FXYD7: variants seen among roughly 807,000 people sequenced by gnomAD.
FXYD7 encodes the protein FXYD domain-containing ion transport regulator 7.
A neutral mutation model predicts 15.3 loss-of-function variants in FXYD7; 7 were observed. The ratio of observed to expected loss-of-function variants is 0.46; its 90% CI spans 0.26 to 0.86. The LOEUF (loss-of-function observed/expected upper bound fraction) is 0.86, where lower values mean the gene tolerates loss of function less well. FXYD7 is among the 40% of genes least tolerant of loss of function. The pLI is 0.16. For synonymous variants in FXYD7, 39 were observed against 39.3 expected (o/e 0.99, Z 0.03); for missense variants, 78 against 100.6 (o/e 0.78, Z 0.96).
At chr19:35,153,793 G>A (rs1022093883) in intron 5 of FXYD7, 101 bp from the exon 6 acceptor site, 21 of 1,069,688 alleles carry the variant, frequency 2.0e-5, no homozygotes, top group Non-Finnish European at 2.3e-5. Flanking sequence ...CAGTCCCTGG[G>A]GTCTGGCTTC....
At chr19:35,146,172 C>G (rs2065288387) in intron 1 of FXYD7, among the ~76,000 whole-genome samples, 1 of 151,942 alleles carries the variant, frequency 6.6e-6, no homozygotes, top group South Asian at 2.1e-4. Flanking sequence ...GAGTCTCGCT[C>G]TGTCATCCAG....
Position 35,153,946 on chromosome 19 carries a change from C to G in FXYD7, c.*30C>G, listed in dbSNP as rs2065327729. On this transcript the variant is annotated 3_prime_UTR_variant, in exon 6 of 6. Coordinates refer to ENST00000270310, the MANE Select transcript of FXYD7 (RefSeq NM_022006.2). ...TTCCCGAGGAAACTCCGCTGCCGAC[C>G]CTGCCTGAGCGCGGGAGCCTGAGGA... The G allele has an allele frequency of 1.9e-6, 3 of 1,606,794 alleles. No individual in the cohort carries two copies. The highest frequency in any genetic ancestry group is 2.7e-5 in the African/African-American group (2 of 74,676).
chr19:35,151,714 T>C (rs769511911), intron 5 of FXYD7, 41 bp downstream of exon 5: 2 of 1,353,324 alleles, frequency 1.5e-6, no homozygotes, highest in Non-Finnish European at 2.0e-6. Flanking sequence ...GAGTTTTAGG[T>C]GGGGCAGGGA....
At position 35,154,081 on chromosome 19, in the gene FXYD7, C is replaced by T. The variant is rs1473486200; in HGVS notation, c.*165C>T. 6 of 614,616 alleles carry T rather than the reference C, an allele frequency of 9.8e-6. No individual in the cohort carries two copies. Among genetic ancestry groups the T allele is most frequent in the Non-Finnish European group, 1.7e-5 (6 of 354,628 alleles). 38.1% of individuals were successfully genotyped at this position (614,616 alleles called of 1,614,324 possible). On this transcript the variant is annotated 3_prime_UTR_variant, in exon 6 of 6. Transcript: ENST00000270310. ...CTGCACCCTGCTGTCCCTCTCCAGG[C>T]CTTGGCAATGACGATCCCCCAAAGA...
chr19:35,150,187 G>C (rs1041647983), intron 2 of FXYD7, among the ~76,000 whole-genome samples: 1 of 152,174 alleles, frequency 6.6e-6, no homozygotes, highest in African/African-American at 2.4e-5. Context: ...AAAGTGCTGA[G>C]ATTACAGGCT....
intron 1 of FXYD7, among the ~76,000 whole-genome samples, chr19:35,147,570 T>C (rs1452189633): frequency 6.6e-6 from 1 of 152,176 alleles, no homozygotes; most frequent in East Asian, 1.9e-4. Context: ...TCTGAAATCA[T>C]TATGTGTCTT....
At chr19:35,146,420 A>G (rs1423774683) in intron 1 of FXYD7, among the ~76,000 whole-genome samples, 2 of 152,194 alleles carry the variant, frequency 1.3e-5, no homozygotes, top group Non-Finnish European at 1.5e-5. Context: ...TACAGGCATG[A>G]ATCACTGTGC....
Position 35,150,482 on chromosome 19 carries a change from T to C in FXYD7, c.62-772T>C, listed in dbSNP as rs937075392. ...AAGTAAAATAAAGAAGGGAATGAGATTGGAAAGTGTGGAGGAGAGGATGGA... is the reference window on the plus strand; with the variant it reads ...AAGTAAAATAAAGAAGGGAATGAGACTGGAAAGTGTGGAGGAGAGGATGGA... On this transcript the variant is annotated intron_variant, in intron 2 of 5. Coordinates refer to ENST00000270310, the MANE Select transcript of FXYD7 (RefSeq NM_022006.2). 5.9e-5 allele frequency among the ~76,000 whole-genome samples: 9 copies of C among 152,044 alleles called. No homozygotes were observed. In the South Asian group the frequency reaches 1.5e-3, roughly 25 times the overall value.
intron 2 of FXYD7, among the ~76,000 whole-genome samples, chr19:35,150,155 G>T (rs986114178): frequency 1.3e-5 from 2 of 152,180 alleles, no homozygotes; most frequent in Admixed American, 6.5e-5. Flanking sequence ...GACCTCAAGT[G>T]ATCTGCCTGC....
intron 1 of FXYD7, among the ~76,000 whole-genome samples, chr19:35,147,218 G>A (rs1023316265): frequency 5.3e-5 from 8 of 152,138 alleles, no homozygotes; most frequent in Admixed American, 1.3e-4. Flanking sequence ...TCTACTCACC[G>A]TTCCTTGGCC....
chr19:35,152,134 C>CAAAAAAAAGAAAAAAAAA (rs2065313038), intron 5 of FXYD7, among the ~76,000 whole-genome samples: 1 of 45,138 alleles, frequency 2.2e-5, no homozygotes, highest in Non-Finnish European at 3.9e-5. Context: ...GTGAGACTGT[C>CAAAAAAAAGAAAAAAAAA]AAAAAAAAAA....
intron 1 of FXYD7, among the ~76,000 whole-genome samples, chr19:35,148,096 AG>A: frequency 7.7e-6 from 1 of 129,772 alleles, no homozygotes; most frequent in East Asian, 2.5e-4. Flanking sequence ...AGAAAGAAAG[AG>A]AGAGAGAAAG....
chr19:35,145,576 C>T (rs894605987), intron 1 of FXYD7, among the ~76,000 whole-genome samples: 1 of 152,178 alleles, frequency 6.6e-6, no homozygotes, highest in Non-Finnish European at 1.5e-5. Context: ...CTTGAAGAGC[C>T]TTTCATAAAT....
intron 5 of FXYD7, among the ~76,000 whole-genome samples, chr19:35,153,578 G>C (rs2065324746): frequency 6.6e-6 from 1 of 152,150 alleles, no homozygotes; most frequent in Non-Finnish European, 1.5e-5. Context: ...AGGAGTGAGG[G>C]TGTAGGAGGA....
At chr19:35,148,524 C>T in intron 1 of FXYD7, among the ~76,000 whole-genome samples, 170 bp from the exon 2 acceptor site, 1 of 152,212 alleles carries the variant, frequency 6.6e-6, no homozygotes, top group African/African-American at 2.4e-5. Flanking sequence ...CTATGCTCTT[C>T]CAGCCTTGCG....
intron 1 of FXYD7, among the ~76,000 whole-genome samples, chr19:35,147,841 A>C (rs1271132820): frequency 6.6e-6 from 1 of 151,946 alleles, no homozygotes; most frequent in East Asian, 1.9e-4. Flanking sequence ...TAAAAATACA[A>C]AAATTAGCCA....
intron 1 of FXYD7, among the ~76,000 whole-genome samples, chr19:35,147,406 T>C (rs531757473): frequency 1.4e-3 from 208 of 152,232 alleles, no homozygotes; most frequent in African/African-American, 4.7e-3. Flanking sequence ...ATAAGAACTG[T>C]CAGAGGCATT....
In FXYD7 at chr19:35,151,229, C is replaced by T. The variant is rs200834822; in HGVS notation, c.62-25C>T. The T allele has an allele frequency of 3.6e-4, 537 of 1,493,922 alleles. 2 individuals are homozygous for T. The highest frequency in any genetic ancestry group is 4.8e-4 in the Non-Finnish European group (510 of 1,070,426). 92.5% of individuals were successfully genotyped at this position (1,493,922 alleles called of 1,614,324 possible). On this transcript the variant is annotated intron_variant, in intron 2 of 5. Transcript: ENST00000270310. ...TGCAGCCAAGGTGCTGTCCCTGCCTCGATGTCCCCCATTATCTTCCCCAGA... is the reference window on the plus strand; with the variant it reads ...TGCAGCCAAGGTGCTGTCCCTGCCTTGATGTCCCCCATTATCTTCCCCAGA...
chr19:35,146,900 AC>A (rs2065290586), intron 1 of FXYD7, among the ~76,000 whole-genome samples: 1 of 152,070 alleles, frequency 6.6e-6, no homozygotes, highest in Admixed American at 6.6e-5. Context: ...CTTTGGGGCC[AC>A]CTCTATCAGT....
Sources: allele counts gnomAD v4.1 joint callset (sites outside exome capture counted in the v4.1 genomes callset), GRCh38; gene constraint gnomAD v4.1.1; transcripts MANE v1.5; gene names NCBI Gene and HGNC (gene_info 2026-07-23, HGNC 2026-07-21).